VEPH1: variants seen among roughly 807,000 people sequenced by gnomAD.
VEPH1 encodes ventricular zone-expressed PH domain-containing protein homolog 1.
In VEPH1, 80 loss-of-function variants were observed where a neutral mutation model predicts 85.2. The ratio of observed to expected loss-of-function variants is 0.94; its 90% CI spans 0.78 to 1.13. The LOEUF (loss-of-function observed/expected upper bound fraction) is 1.13. Ranked by LOEUF, VEPH1 falls within the 50% of genes most tolerant of loss-of-function variation. The pLI, the probability that VEPH1 is intolerant of heterozygous loss-of-function variation, is 0.00. For missense variants in VEPH1, 955 were observed against 980.5 expected (o/e 0.97, Z 0.35); for synonymous variants, 297 against 348.0 (o/e 0.85, Z 1.63).
intron 9 of VEPH1, among the ~76,000 whole-genome samples, chr3:157,337,986 A>T (rs1201735928): frequency 1.3e-5 from 2 of 152,014 alleles, no homozygotes; most frequent in Non-Finnish European, 2.9e-5. Flanking sequence ...AATAGTTATT[A>T]TGTTCTGGGG....
chr3:157,380,866 T>C (rs971217933), intron 7 of VEPH1, among the ~76,000 whole-genome samples: 1 of 152,260 alleles, frequency 6.6e-6, no homozygotes, highest in African/African-American at 2.4e-5. Context: ...ACAATTTAAA[T>C]TGTTAACTGC....
intron 2 of VEPH1, among the ~76,000 whole-genome samples, 196 bp from the exon 3 acceptor site, chr3:157,470,725 G>A (rs534579427): frequency 3.9e-5 from 6 of 152,224 alleles, no homozygotes; most frequent in African/African-American, 1.2e-4. Flanking sequence ...ACACAAACAT[G>A]CTAAAATGGA....
Position 157,265,607 on chromosome 3 carries a change from G to A in VEPH1, c.2184C>T (p.Val728=). ...LIEGKLKEKQ[V]RWKFIKRWKT... is the part of the protein sequence containing the mutation. ...TCCACCTTTTGATGAACTTCCATCT[G>A]ACTTGCTTCTCTTTAAGTTTTCCTT... Residue 728 remains valine (V), a synonymous_variant, in exon 13 of 14, where the codon GTC becomes GTT. Coordinates refer to ENST00000362010, the MANE Select transcript of VEPH1 (RefSeq NM_001167912.2). 1 of 1,613,722 alleles carries A rather than the reference G, an allele frequency of 6.2e-7. No individual in the cohort carries two copies. The highest frequency in any genetic ancestry group is 8.5e-7 in the Non-Finnish European group (1 of 1,179,758).
In VEPH1 at chr3:157,437,697, G is replaced by C. The variant is rs774167944; in HGVS notation, c.530-9209C>G. The C allele has an allele frequency of 2.1e-5, 32 of 1,531,176 alleles. No individual in the cohort carries two copies. The South Asian group carries it at 3.0e-4, about 14-fold the overall frequency. 94.8% of individuals were successfully genotyped at this position (1,531,176 alleles called of 1,614,324 possible). A position where few individuals can be genotyped will look rare whatever the true frequency, so the allele number is the denominator to read the frequency against. On this transcript the variant is annotated intron_variant, in intron 4 of 13. Coordinates refer to ENST00000362010, the MANE Select transcript of VEPH1 (RefSeq NM_001167912.2). ...AAAGCCTGGCGAGGCCGTGCGCGCC[G>C]GGGGCTCCCGCAGAGGCCAGGCTGA...
At chr3:157,457,032 G>A (rs2109340907) in intron 4 of VEPH1, among the ~76,000 whole-genome samples, 1 of 152,164 alleles carries the variant, frequency 6.6e-6, no homozygotes, top group Admixed American at 6.5e-5. Flanking sequence ...ATTTGTTTGT[G>A]TCATCTCTGA....
intron 2 of VEPH1, among the ~76,000 whole-genome samples, chr3:157,472,859 C>T (rs1010461486): frequency 1.6e-4 from 25 of 152,022 alleles, no homozygotes; most frequent in African/African-American, 6.0e-4. Flanking sequence ...CTCTTTTTTA[C>T]GGTTGTGTAA....
chr3:157,263,036 T>G (rs13061214), intron 13 of VEPH1, among the ~76,000 whole-genome samples: 60,385 of 151,652 alleles, frequency 0.4, 12,425 homozygotes, highest in East Asian at 0.57. Context: ...CTAGCTAGTT[T>G]GTGGAGATCA....
chr3:157,306,362 T>G (rs1719509400), intron 11 of VEPH1, among the ~76,000 whole-genome samples: 2 of 152,156 alleles, frequency 1.3e-5, no homozygotes, highest in Non-Finnish European at 2.9e-5. Flanking sequence ...TAACACTGCT[T>G]GGTGTGTTTT....
intron 11 of VEPH1, among the ~76,000 whole-genome samples, chr3:157,297,110 A>T (rs1718231939): frequency 6.6e-6 from 1 of 152,222 alleles, no homozygotes; most frequent in Admixed American, 6.5e-5. Context: ...CTCAAAAAAA[A>T]GCAGTGATGA....
intron 5 of VEPH1, among the ~76,000 whole-genome samples, chr3:157,424,347 A>G (rs1302535867): frequency 6.6e-6 from 1 of 152,210 alleles, no homozygotes; most frequent in East Asian, 1.9e-4. Context: ...TGTCTTTATC[A>G]GCAGCATGAA....
intron 9 of VEPH1, among the ~76,000 whole-genome samples, chr3:157,343,105 A>G (rs1048319330): frequency 1.3e-5 from 2 of 152,222 alleles, no homozygotes; most frequent in Non-Finnish European, 2.9e-5. Context: ...CCCTAACATC[A>G]CAATTAAAAG....
At chr3:157,369,120 C>G (rs73873656) in intron 7 of VEPH1, among the ~76,000 whole-genome samples, 201 of 138,960 alleles carry the variant, frequency 1.4e-3, no homozygotes, top group African/African-American at 4.7e-3. Flanking sequence ...ACAACAACAA[C>G]CACCACAAAA....
chr3:157,357,258 T>C (rs773502637), intron 9 of VEPH1, among the ~76,000 whole-genome samples: 1 of 152,164 alleles, frequency 6.6e-6, no homozygotes, highest in Non-Finnish European at 1.5e-5. Flanking sequence ...CTAAGGTGGA[T>C]ACTATATTAG....
Position 157,329,679 on chromosome 3 carries a change from C to T in VEPH1, c.1736-12478G>A, listed in dbSNP as rs568592015. Among the ~76,000 whole-genome samples the T allele has an allele frequency of 2.0e-4, 31 of 151,816 alleles. No individual in the cohort carries two copies. In the South Asian group the frequency reaches 6.5e-3, roughly 32 times the overall value. On this transcript the variant is annotated intron_variant, in intron 9 of 13. Coordinates refer to ENST00000362010, the MANE Select transcript of VEPH1 (RefSeq NM_001167912.2). ...TTACTTTCACTTTCTTACTGCTGCT[C>T]AGATGAAAAGTCATAAAATAATGAC...
At chr3:157,281,101 T>TGTGA (rs371002819) in intron 12 of VEPH1, among the ~76,000 whole-genome samples, 6 of 148,744 alleles carry the variant, frequency 4.0e-5, no homozygotes, top group South Asian at 4.3e-4. Context: ...TGTGTGTGTG[T>TGTGA]GAGAGAGAGA....
chr3:157,368,652 C>T (rs1015601457), intron 7 of VEPH1, among the ~76,000 whole-genome samples: 5 of 151,920 alleles, frequency 3.3e-5, no homozygotes, highest in African/African-American at 4.8e-5. Context: ...CCACCATGCC[C>T]GGCTAATTTT....
chr3:157,321,987 T>G (rs539811647), intron 9 of VEPH1, among the ~76,000 whole-genome samples: 28 of 152,302 alleles, frequency 1.8e-4, no homozygotes, highest in African/African-American at 6.5e-4. Context: ...TAAACCATTT[T>G]TAGGTGCACA....
chr3:157,300,033 C>T (rs1287497350), intron 11 of VEPH1, among the ~76,000 whole-genome samples: 1 of 152,104 alleles, frequency 6.6e-6, no homozygotes, highest in South Asian at 2.1e-4. Flanking sequence ...TAGATAAAAG[C>T]GCTGGTAAGT....
chr3:157,337,863 G>A (rs1287794103), intron 9 of VEPH1, among the ~76,000 whole-genome samples: 1 of 152,106 alleles, frequency 6.6e-6, no homozygotes, highest in Non-Finnish European at 1.5e-5. Flanking sequence ...AAAATACTCA[G>A]AAAATAAGAA....
Sources: allele counts gnomAD v4.1 joint callset (sites outside exome capture counted in the v4.1 genomes callset), GRCh38; gene constraint gnomAD v4.1.1; transcripts MANE v1.5; gene names NCBI Gene and HGNC (gene_info 2026-07-23, HGNC 2026-07-21).